The following BBS9 variants were observed in gnomAD, a reference collection of about 807,000 sequenced individuals.
The protein encoded by BBS9 is Bardet-Biedl syndrome 9, also known as protein PTHB1.
A neutral mutation model predicts 117.7 loss-of-function variants in BBS9; 89 were observed. That is an observed-to-expected ratio of 0.76 (90% CI 0.64 to 0.90). The LOEUF (loss-of-function observed/expected upper bound fraction) is 0.90. Ranked by LOEUF, BBS9 falls within the 40% of genes least tolerant of loss-of-function variation. The pLI is 0.00. For missense variants in BBS9, 982 were observed against 1,042.2 expected (o/e 0.94, Z 0.80); for synonymous variants, 379 against 370.9 (o/e 1.02, Z -0.25).
At chr7:33,455,939 G>A (rs1350623567) in intron 19 of BBS9, among the ~76,000 whole-genome samples, 1 of 152,100 alleles carries the variant, frequency 6.6e-6, no homozygotes, top group East Asian at 1.9e-4. Flanking sequence ...TTTTATATTT[G>A]ATAACAAGCA....
chr7:33,293,807 C>A (rs1461074073), intron 9 of BBS9, among the ~76,000 whole-genome samples: 2 of 152,136 alleles, frequency 1.3e-5, no homozygotes, highest in Non-Finnish European at 2.9e-5. Context: ...TGCTGTATTT[C>A]TCCCAAATAT....
Position 33,604,865 on chromosome 7 carries a change from G to C in BBS9, c.2522G>C (p.Gly841Ala). Residue 841 changes from glycine to alanine, a missense_variant and splice_region_variant, in exon 22 of 23, where the codon GGT becomes GCT. Physicochemically the swap from Gly to Ala is moderately conservative, Grantham distance 60 (BLOSUM62 0). Coordinates refer to ENST00000242067, the MANE Select transcript of BBS9 (RefSeq NM_198428.3). ...AAAPQTMVMP[G>A]GCTTIPESDL... ...AATATTGTTTGTATTTTTCAACTAGGTGGTTGTACTACAATCCCAGAGTCA... is the reference window on the plus strand; with the variant it reads ...AATATTGTTTGTATTTTTCAACTAGCTGGTTGTACTACAATCCCAGAGTCA... The C allele has an allele frequency of 6.2e-7, 1 of 1,601,158 alleles. No individual in the cohort carries two copies. Among genetic ancestry groups the C allele is most frequent in the South Asian group, 1.1e-5 (1 of 90,710 alleles).
intron 19 of BBS9, among the ~76,000 whole-genome samples, chr7:33,487,084 T>C (rs1843215660): frequency 2.6e-5 from 4 of 152,216 alleles, no homozygotes; most frequent in Admixed American, 2.6e-4. Flanking sequence ...AGTTTTGTGA[T>C]ATTGGAAGTC....
intron 21 of BBS9, among the ~76,000 whole-genome samples, chr7:33,569,604 T>C (rs1405797525): frequency 7.0e-6 from 1 of 142,278 alleles, no homozygotes; most frequent in Admixed American, 7.0e-5. Context: ...AAAAAAAAAA[T>C]ACAAAAAATT....
Position 33,371,030 on chromosome 7 carries a change from A to G in BBS9, c.1789+3168A>G, listed in dbSNP as rs117964659. Among the ~76,000 whole-genome samples the G allele has an allele frequency of 8.6e-3, 1,317 of 152,346 alleles. 10 individuals are homozygous for G. The highest frequency in any genetic ancestry group is 0.013 in the Non-Finnish European group (899 of 68,028). ...TCAGAAATACATACTGTATGATCAAAAAGGTGCTAGTCACCTAAAATAATA... is the reference window on the plus strand; with the variant it reads ...TCAGAAATACATACTGTATGATCAAGAAGGTGCTAGTCACCTAAAATAATA... On this transcript the variant is annotated intron_variant, in intron 17 of 22. Transcript: ENST00000242067.
chr7:33,275,035 C>T (rs796872439), intron 9 of BBS9, among the ~76,000 whole-genome samples: 28 of 146,222 alleles, frequency 1.9e-4, no homozygotes, highest in African/African-American at 7.0e-4. Flanking sequence ...TAGAATTCTT[C>T]AGTGACACCT....
intron 19 of BBS9, among the ~76,000 whole-genome samples, chr7:33,458,519 T>C (rs776661674): frequency 1.3e-5 from 2 of 152,184 alleles, no homozygotes; most frequent in Non-Finnish European, 2.9e-5. Context: ...CGGAAAATCT[T>C]TCTCTGCTTT....
intron 6 of BBS9, 71 bp downstream of exon 6, chr7:33,257,481 C>T: frequency 7.4e-7 from 1 of 1,346,612 alleles, no homozygotes; most frequent in Non-Finnish European, 1.1e-6. Context: ...TTTTTGTCCA[C>T]AAAGAGCTTC....
chr7:33,291,524 T>A (rs1372537141), intron 9 of BBS9, among the ~76,000 whole-genome samples: 1 of 152,190 alleles, frequency 6.6e-6, no homozygotes, highest in East Asian at 1.9e-4. Flanking sequence ...CAAGATTATG[T>A]CACATTTGAG....
intron 4 of BBS9, among the ~76,000 whole-genome samples, chr7:33,169,977 T>C (rs1796289382): frequency 6.6e-6 from 1 of 152,148 alleles, no homozygotes; most frequent in Non-Finnish European, 1.5e-5. Flanking sequence ...CCATCTTGAA[T>C]TGATTTTTGT....
intron 19 of BBS9, among the ~76,000 whole-genome samples, chr7:33,396,700 A>G (rs1422860683): frequency 6.6e-6 from 1 of 152,198 alleles, no homozygotes; most frequent in African/African-American, 2.4e-5. Context: ...AGCCAAGACA[A>G]TTGTAAGCAA....
intron 5 of BBS9, among the ~76,000 whole-genome samples, chr7:33,245,226 G>A (rs1795147494): frequency 9.5e-6 from 1 of 104,928 alleles, no homozygotes; most frequent in Admixed American, 1.1e-4. Context: ...TCTCAGCCAT[G>A]CTTCCTTTAT....
intron 4 of BBS9, 57 bp downstream of exon 4, chr7:33,155,759 A>G: frequency 1.0e-6 from 1 of 973,294 alleles, no homozygotes; most frequent in South Asian, 1.3e-5. Context: ...TTAATGTTAT[A>G]TGAGAATAGA....
chr7:33,135,563 C>G (rs1790325961), intron 1 of BBS9, among the ~76,000 whole-genome samples: 2 of 152,220 alleles, frequency 1.3e-5, no homozygotes, highest in Admixed American at 1.3e-4. Flanking sequence ...TAGTGCCATA[C>G]TGGCTTAATT....
intron 15 of BBS9, among the ~76,000 whole-genome samples, chr7:33,354,458 T>C (rs1819267531): frequency 6.6e-6 from 1 of 152,116 alleles, no homozygotes; most frequent in Non-Finnish European, 1.5e-5. Flanking sequence ...AAAACATGAA[T>C]GCAGATGAAG....
In BBS9 at chr7:33,534,185, TCTGTCCATGCTC is replaced by T. The variant is rs1851019127; in HGVS notation, c.2521+11_2521+22del. ...GACCATGGTCATGCCAGGTAAGAGC[TCTGTCCATGCTC>T]CCTAATCACAATTGTACTTCTCCTA... On this transcript the variant is annotated intron_variant, in intron 21 of 22. Coordinates refer to ENST00000242067, the MANE Select transcript of BBS9 (RefSeq NM_198428.3). The T allele has an allele frequency of 6.2e-7, 1 of 1,611,602 alleles. No individual in the cohort carries two copies. Among genetic ancestry groups the T allele is most frequent in the African/African-American group, 1.3e-5 (1 of 74,884 alleles).
chr7:33,467,095 T>C (rs1840287403), intron 19 of BBS9, among the ~76,000 whole-genome samples: 2 of 152,106 alleles, frequency 1.3e-5, no homozygotes, highest in South Asian at 4.1e-4. Flanking sequence ...TGTTGATCTT[T>C]AAAGAGAATA....
chr7:33,599,361 G>A (rs1191848404), intron 21 of BBS9, among the ~76,000 whole-genome samples: 1 of 152,020 alleles, frequency 6.6e-6, no homozygotes, highest in African/African-American at 2.4e-5. Context: ...CCCACCTTAG[G>A]GACTTTATCT....
intron 9 of BBS9, among the ~76,000 whole-genome samples, chr7:33,318,687 C>T (rs1034791816): frequency 6.6e-6 from 1 of 152,060 alleles, no homozygotes; most frequent in African/African-American, 2.4e-5. Context: ...ATAATCTGAG[C>T]AGTATACACT....
Sources: allele counts gnomAD v4.1 joint callset (sites outside exome capture counted in the v4.1 genomes callset), GRCh38; gene constraint gnomAD v4.1.1; transcripts MANE v1.5; gene names NCBI Gene and HGNC (gene_info 2026-07-23, HGNC 2026-07-21).